ZDHHC11B: variants seen among roughly 807,000 people sequenced by gnomAD.
ZDHHC11B encodes the protein probable palmitoyltransferase ZDHHC11B.
A neutral mutation model predicts 42.3 loss-of-function variants in ZDHHC11B; 17 were observed. The ratio of observed to expected loss-of-function variants is 0.40; its 90% confidence interval spans 0.27 to 0.60. ZDHHC11B has a LOEUF of 0.60. Ranked by LOEUF, ZDHHC11B falls within the 20% of genes least tolerant of loss-of-function variation. The pLI is 0.41. For missense variants in ZDHHC11B, 262 were observed against 463.2 expected (o/e 0.57, Z 3.99); for synonymous variants, 123 against 193.5 (o/e 0.64, Z 3.02).
At chr5:775,383 T>C (rs1013423308) in intron 1 of ZDHHC11B, among the ~76,000 whole-genome samples, 2 of 151,932 alleles carry the variant, frequency 1.3e-5, no homozygotes, top group African/African-American at 4.8e-5. Flanking sequence ...TCGCACCCGA[T>C]GGCCTCATGC....
At chr5:784,207 C>T (rs1454197709) in intron 1 of ZDHHC11B, among the ~76,000 whole-genome samples, 2 of 151,438 alleles carry the variant, frequency 1.3e-5, no homozygotes, top group South Asian at 2.1e-4. Context: ...AAACGTGCTG[C>T]GGGCAGTGGC....
chr5:724,685 A>ACC (rs1742441056), intron 12 of ZDHHC11B, among the ~76,000 whole-genome samples: 1 of 149,724 alleles, frequency 6.7e-6, no homozygotes, highest in Admixed American at 6.6e-5. Flanking sequence ...ACACACACAC[A>ACC]CACAGACACA....
chr5:714,068 C>T (rs1008882599), intron 13 of ZDHHC11B, among the ~76,000 whole-genome samples: 6 of 133,322 alleles, frequency 4.5e-5, no homozygotes, highest in African/African-American at 1.3e-4. Context: ...TCATTAATGC[C>T]TTTAAGAATA....
At chr5:770,770 T>C (rs1327897548) in intron 1 of ZDHHC11B, among the ~76,000 whole-genome samples, 1 of 151,972 alleles carries the variant, frequency 6.6e-6, no homozygotes, top group Non-Finnish European at 1.5e-5. Context: ...ACTGCCAGTG[T>C]GCAGGGCTGA....
rs770763073 is a variant in ZDHHC11B, at chr5:766,797, G to C, written c.123C>G (p.Phe41Leu). Residue 41 changes from phenylalanine (F) to leucine (L), a missense_variant, in exon 4 of 14, where the codon TTC becomes TTG. Phe to Leu is a conservative substitution (Grantham distance 22). Coordinates refer to ENST00000508859, the MANE Select transcript of ZDHHC11B (RefSeq NM_001351303.2). ...VNGWSLPLHY[F>L]RVVTWAVFVG... ...CGAAGACAGCCCAAGTCACCACCCG[G>C]AAGTAGTGCAGGGGTAACGACCAGC... is the stretch of plus-strand genomic sequence containing the variant. 1 of 1,612,566 alleles carries C rather than the reference G, an allele frequency of 6.2e-7. No homozygotes were observed. Among genetic ancestry groups the C allele is most frequent in the African/African-American group, 1.3e-5 (1 of 74,780 alleles).
At chr5:774,164 C>A (rs562578554) in intron 1 of ZDHHC11B, among the ~76,000 whole-genome samples, 1 of 152,176 alleles carries the variant, frequency 6.6e-6, no homozygotes, top group Non-Finnish European at 1.5e-5. Flanking sequence ...CAAGAGGCCC[C>A]ACGGAAAATC....
intron 1 of ZDHHC11B, among the ~76,000 whole-genome samples, chr5:776,433 G>A (rs1225300432): frequency 6.6e-6 from 1 of 151,880 alleles, no homozygotes; most frequent in Admixed American, 6.6e-5. Flanking sequence ...CCGAAGCACA[G>A]GAATGGCACA....
rs386402805 is a variant in ZDHHC11B at position 724,371 on chromosome 5, A to ATTTT, written c.1058+6059_1058+6062dup. On this transcript the variant is annotated intron_variant, in intron 12 of 13. Coordinates refer to ENST00000508859, the MANE Select transcript of ZDHHC11B (RefSeq NM_001351303.2). ...AGGAGCATGCCATCAAACCCAGCTA[A>ATTTT]TTTTTTTTTTTTTTTTTTTTTTTTG... 6.4e-3 allele frequency among the ~76,000 whole-genome samples: 518 copies of ATTTT among 81,388 alleles called. 23 individuals are homozygous for ATTTT. The highest frequency in any genetic ancestry group is 0.022 in the Middle Eastern group (2 of 90). The allele number at this position is 81,388 out of a possible 152,430, so 53.4% of individuals were successfully genotyped here.
At chr5:723,887 C>T (rs1296700988) in intron 12 of ZDHHC11B, among the ~76,000 whole-genome samples, 6 of 138,920 alleles carry the variant, frequency 4.3e-5, no homozygotes, top group Admixed American at 1.4e-4. Flanking sequence ...GCCTCCCCCT[C>T]GCTGTGCAGC....
At chr5:763,097 C>T (rs1473566777) in intron 4 of ZDHHC11B, among the ~76,000 whole-genome samples, 2 of 151,966 alleles carry the variant, frequency 1.3e-5, no homozygotes, top group South Asian at 4.2e-4. Flanking sequence ...CAGCTAGGCG[C>T]GGTGGCTCAC....
At chr5:772,715 C>T (rs1257300771) in intron 1 of ZDHHC11B, among the ~76,000 whole-genome samples, 1 of 151,796 alleles carries the variant, frequency 6.6e-6, no homozygotes, top group Admixed American at 6.6e-5. Flanking sequence ...GGAACCCGTC[C>T]CAACTCAGCC....
chr5:754,154 G>A (rs1746187378), intron 6 of ZDHHC11B, among the ~76,000 whole-genome samples: 1 of 106,336 alleles, frequency 9.4e-6, no homozygotes, highest in African/African-American at 4.1e-5. Context: ...TCTCATCTAT[G>A]AGCCTCCACC....
chr5:713,164 AT>A (rs1386285038), intron 13 of ZDHHC11B, among the ~76,000 whole-genome samples: 1 of 151,082 alleles, frequency 6.6e-6, no homozygotes, highest in African/African-American at 2.4e-5. Flanking sequence ...ATTCTCATTC[AT>A]TTTTTTCACA....
At chr5:765,971 TGG>T (rs2150217277) in intron 4 of ZDHHC11B, among the ~76,000 whole-genome samples, 1 of 152,044 alleles carries the variant, frequency 6.6e-6, no homozygotes, top group Non-Finnish European at 1.5e-5. Context: ...TTCAGAAATA[TGG>T]TTCCAGTGCC....
In ZDHHC11B at chr5:718,349, A is replaced by C. The variant is rs561571309; in HGVS notation, c.1059-1484T>G. Among the ~76,000 whole-genome samples the C allele has an allele frequency of 9.2e-5, 14 of 151,876 alleles. 1 individual carries two copies. Among genetic ancestry groups the C allele is most frequent in the African/African-American group, 3.1e-4 (13 of 41,272 alleles). ...GAATTATTTGGAAACTCTGAAACCT[A>C]GTCAGACATGTATGGGAGAGTGCTT... On this transcript the variant is annotated intron_variant, in intron 12 of 13. Transcript: ENST00000508859.
chr5:761,452 G>T (rs1367360612), intron 4 of ZDHHC11B, among the ~76,000 whole-genome samples: 8 of 151,800 alleles, frequency 5.3e-5, no homozygotes, highest in African/African-American at 1.9e-4. Flanking sequence ...AGAACTCGGA[G>T]GCTGGGCCAC....
At chr5:722,286 T>G (rs1742248521) in intron 12 of ZDHHC11B, among the ~76,000 whole-genome samples, 2 of 151,822 alleles carry the variant, frequency 1.3e-5, no homozygotes, top group African/African-American at 4.9e-5. Flanking sequence ...GTGGACAGAC[T>G]CTATCTGTAA....
At chr5:751,568 G>T (rs1745754478) in intron 6 of ZDHHC11B, among the ~76,000 whole-genome samples, 1 of 91,152 alleles carries the variant, frequency 1.1e-5, no homozygotes, top group Admixed American at 1.3e-4. Context: ...GCAGGTGGGG[G>T]GTGCAGAGGC....
intron 12 of ZDHHC11B, among the ~76,000 whole-genome samples, chr5:730,151 C>T (rs1275800931): frequency 6.6e-6 from 1 of 151,726 alleles, no homozygotes; most frequent in Non-Finnish European, 1.5e-5. Flanking sequence ...AACATTCAGG[C>T]TCACAACATT....
Sources: allele counts gnomAD v4.1 joint callset (sites outside exome capture counted in the v4.1 genomes callset), GRCh38; gene constraint gnomAD v4.1.1; transcripts MANE v1.5; gene names NCBI Gene and HGNC (gene_info 2026-07-23, HGNC 2026-07-21).